KLF8: variants seen among roughly 807,000 people sequenced by gnomAD.
KLF8 encodes the protein Krueppel-like factor 8.
KLF8 carries 10 observed loss-of-function variants against 18.2 expected under a neutral mutation model. The ratio of observed to expected loss-of-function variants is 0.55; its 90% CI spans 0.34 to 0.93. The LOEUF (loss-of-function observed/expected upper bound fraction) is 0.93. Ranked by LOEUF, KLF8 falls within the 40% of genes least tolerant of loss-of-function variation. KLF8 has a pLI of 0.02. For missense variants in KLF8, 264 were observed against 277.9 expected, an observed-to-expected ratio of 0.95 and a Z score of 0.36; for synonymous variants, 109 against 97.3, an observed-to-expected ratio of 1.12 and a Z score of -0.71.
the KLF8 span, among the ~76,000 whole-genome samples, chrX:56,154,070 G>GA: frequency 9.8e-4 from 109 of 111,015 alleles, no homozygotes; most frequent in African/African-American, 3.5e-3. Context: ...CACAGAATTG[G>GA]AAAAAACTAC....
At chrX:55,912,005 A>G in the KLF8 span, among the ~76,000 whole-genome samples, 1 of 111,924 alleles carries the variant, frequency 8.9e-6, no homozygotes, top group African/African-American at 3.2e-5. Flanking sequence ...AGCTTGGAAG[A>G]TGGATTTTTA....
the KLF8 span, among the ~76,000 whole-genome samples, chrX:55,998,912 G>A: frequency 9.8e-6 from 1 of 102,310 alleles, no homozygotes; most frequent in Non-Finnish European, 2.0e-5. Flanking sequence ...AAAACTTTTT[G>A]TCAAGGCTAA....
chrX:56,278,445 T>C (rs1186941175), intron 5 of KLF8, among the ~76,000 whole-genome samples: 1 of 111,068 alleles, frequency 9.0e-6, no homozygotes, highest in East Asian at 2.9e-4. Flanking sequence ...AGAAATGTCA[T>C]CCATGAGCTA....
At chrX:56,178,679 T>A in the KLF8 span, among the ~76,000 whole-genome samples, 514 of 112,229 alleles carry the variant, frequency 4.6e-3, 4 homozygotes, top group Non-Finnish European at 3.4e-3. Context: ...AAGGAAGGGA[T>A]CCATTTTCAG....
chrX:56,281,541 C>T (rs969696720), intron 5 of KLF8, among the ~76,000 whole-genome samples: 2 of 111,120 alleles, frequency 1.8e-5, no homozygotes, highest in Admixed American at 9.6e-5. Context: ...TCCCAAGTAG[C>T]GGGACTACAG....
chrX:56,136,310 A>T, the KLF8 span, among the ~76,000 whole-genome samples: 1 of 111,786 alleles, frequency 8.9e-6, no homozygotes. Flanking sequence ...AATCTAAGCC[A>T]AAAGAACAAA....
At chrX:56,186,198 A>G in the KLF8 span, among the ~76,000 whole-genome samples, 1 of 111,728 alleles carries the variant, frequency 9.0e-6, no homozygotes. Flanking sequence ...AAGCAAATGG[A>G]AAACAGAAAA....
chrX:56,021,857 G>A, the KLF8 span, among the ~76,000 whole-genome samples: 2 of 109,823 alleles, frequency 1.8e-5, no homozygotes, highest in Non-Finnish European at 3.8e-5. Flanking sequence ...GGGAACAGCA[G>A]GCCTTGTGCA....
At chrX:55,928,071 G>A in the KLF8 span, among the ~76,000 whole-genome samples, 1 of 111,873 alleles carries the variant, frequency 8.9e-6, no homozygotes, top group Admixed American at 9.5e-5. Flanking sequence ...TAGTCTTCAT[G>A]TCTCCTTAGT....
At chrX:56,151,413 TAGA>T in the KLF8 span, among the ~76,000 whole-genome samples, 1 of 111,379 alleles carries the variant, frequency 9.0e-6, no homozygotes, top group Non-Finnish European at 1.9e-5. Context: ...TGGATTAAAG[TAGA>T]AGAAGTAGAA....
At chrX:55,947,722 G>C in the KLF8 span, among the ~76,000 whole-genome samples, 1 of 111,684 alleles carries the variant, frequency 9.0e-6, no homozygotes, top group East Asian at 2.8e-4. Flanking sequence ...TTGTGCCTAA[G>C]TCTAACCCCT....
the KLF8 span, among the ~76,000 whole-genome samples, chrX:55,959,349 C>T: frequency 8.9e-6 from 1 of 112,093 alleles, no homozygotes; most frequent in Non-Finnish European, 1.9e-5. Flanking sequence ...TCTGGCAACT[C>T]TAAAAACCGA....
At chrX:56,123,995 G>A in the KLF8 span, among the ~76,000 whole-genome samples, 1 of 111,636 alleles carries the variant, frequency 9.0e-6, no homozygotes, top group Non-Finnish European at 1.9e-5. Flanking sequence ...GAATGATGAG[G>A]TGAGAGTATG....
the KLF8 span, among the ~76,000 whole-genome samples, chrX:55,991,163 T>G: frequency 1.8e-5 from 2 of 112,232 alleles, no homozygotes; most frequent in African/African-American, 6.5e-5. Context: ...CATTTGGAGC[T>G]TCCTGGCCAC....
At chrX:56,252,882 T>G (rs1325817634) in intron 2 of KLF8, among the ~76,000 whole-genome samples, 1 of 112,116 alleles carries the variant, frequency 8.9e-6, no homozygotes, top group African/African-American at 3.2e-5. Context: ...CTCACCAGCA[T>G]TTATTATTGC....
At chrX:56,021,257 T>C in the KLF8 span, among the ~76,000 whole-genome samples, 2 of 112,208 alleles carry the variant, frequency 1.8e-5, no homozygotes, top group African/African-American at 6.5e-5. Context: ...TTGAGATTCA[T>C]TGATGCTGTT....
the KLF8 span, among the ~76,000 whole-genome samples, chrX:56,103,226 A>T: frequency 9.1e-6 from 1 of 110,266 alleles, no homozygotes; most frequent in Non-Finnish European, 1.9e-5. Flanking sequence ...ACTTTAAAGT[A>T]GTTTTTTCCA....
At chrX:56,056,537 A>T in the KLF8 span, among the ~76,000 whole-genome samples, 1 of 104,045 alleles carries the variant, frequency 9.6e-6, no homozygotes, top group African/African-American at 3.6e-5. Context: ...TTCTCAGTAA[A>T]CTATTGCAAG....
At chrX:56,256,986 A>T (rs762344707) in intron 2 of KLF8, among the ~76,000 whole-genome samples, 1 of 112,274 alleles carries the variant, frequency 8.9e-6, no homozygotes, top group East Asian at 2.8e-4. Flanking sequence ...TACAGGCGTG[A>T]GCCACCTTGC....
Sources: allele counts gnomAD v4.1 joint callset (sites outside exome capture counted in the v4.1 genomes callset), GRCh38; gene constraint gnomAD v4.1.1; transcripts MANE v1.5; gene names NCBI Gene and HGNC (gene_info 2026-07-23, HGNC 2026-07-21).